The following MAN1C1 variants were observed in gnomAD, a reference collection of about 807,000 sequenced individuals.
The protein encoded by MAN1C1 is mannosyl-oligosaccharide 1,2-alpha-mannosidase IC.
MAN1C1 carries 49 observed loss-of-function variants against 71.5 expected under a neutral mutation model. The observed-to-expected ratio is 0.69, with a 90% CI of 0.54 to 0.87. MAN1C1 has a LOEUF of 0.87. Ranked by LOEUF, MAN1C1 falls within the 40% of genes least tolerant of loss-of-function variation. MAN1C1 has a pLI of 0.00. For synonymous variants in MAN1C1, 352 were observed against 343.7 expected (o/e 1.02, Z -0.27); for missense variants, 743 against 835.0 (o/e 0.89, Z 1.36).
intron 2 of MAN1C1, among the ~76,000 whole-genome samples, chr1:25,696,127 C>T (rs756275481): frequency 1.4e-4 from 21 of 152,204 alleles, no homozygotes; most frequent in Non-Finnish European, 2.6e-4. Context: ...GCGTGTTCCG[C>T]CCACTTTGCG....
intron 2 of MAN1C1, among the ~76,000 whole-genome samples, chr1:25,740,933 G>T (rs1268831531): frequency 6.6e-6 from 1 of 152,070 alleles, no homozygotes; most frequent in Non-Finnish European, 1.5e-5. Context: ...AAATCTCGCA[G>T]AGACGGCCAG....
chr1:25,728,309 C>T (rs915808750), intron 2 of MAN1C1, among the ~76,000 whole-genome samples: 3 of 152,162 alleles, frequency 2.0e-5, no homozygotes, highest in Non-Finnish European at 4.4e-5. Context: ...GGGACCAAAG[C>T]CAGTAACCCC....
At position 25,631,921 on chromosome 1, in the gene MAN1C1, G is replaced by A. The variant is rs115004034; in HGVS notation, c.540+13584G>A. Among the ~76,000 whole-genome samples the A allele has an allele frequency of 0.017, 2,634 of 152,254 alleles. 41 individuals are homozygous for A. Among genetic ancestry groups the A allele is most frequent in the Middle Eastern group, 0.065 (19 of 294 alleles). On this transcript the variant is annotated intron_variant, in intron 1 of 11. Transcript: ENST00000374332. The surrounding 1 kb of genome is among the most constrained non-coding windows in gnomAD (Gnocchi z 4.2). Reference sequence around the variant, plus strand: ...TGAGTAGCTGGGACTACAGGTGCATGCCACTACGCACGGCTAATTTTTGTA... The same window carrying A: ...TGAGTAGCTGGGACTACAGGTGCATACCACTACGCACGGCTAATTTTTGTA...
chr1:25,775,361 A>G lies in MAN1C1; in HGVS notation c.1258-2744A>G, dbSNP rs991676067. 6.6e-6 allele frequency among the ~76,000 whole-genome samples: 1 copy of G among 152,206 alleles called. No individual in the cohort carries two copies. The highest frequency in any genetic ancestry group is 1.9e-4 in the East Asian group (1 of 5,200). ...AGGTGCCCTGGCATGTCACATTGTC[A>G]GCGCTTTTCCATCTGCCACTCAGTG... On this transcript the variant is annotated intron_variant, in intron 8 of 11. Coordinates refer to ENST00000374332, the MANE Select transcript of MAN1C1 (RefSeq NM_020379.4). This position sits in a 1 kb window ranked among gnomAD's most constrained non-coding sequence, Gnocchi z 5.1.
intron 1 of MAN1C1, among the ~76,000 whole-genome samples, chr1:25,685,394 C>G (rs1355202638): frequency 6.6e-6 from 1 of 152,246 alleles, no homozygotes; most frequent in Non-Finnish European, 1.5e-5. Flanking sequence ...CCCGGCTCCT[C>G]CTCTGCTCCA....
rs375375324 is a variant in MAN1C1 at position 25,715,484 on chromosome 1, G to A, written c.637+28948G>A. 8.5e-5 allele frequency among the ~76,000 whole-genome samples: 13 copies of A among 152,330 alleles called. No homozygotes were observed. The East Asian group carries it at 1.9e-3, about 23-fold the overall frequency. ...TCAGCCTTTCACTCCTTCTCTCAAC[G>A]AATACCTAAGCACTCACAACAGACT... On this transcript the variant is annotated intron_variant, in intron 2 of 11. Transcript: ENST00000374332.
At chr1:25,637,076 A>C (rs867649209) in intron 1 of MAN1C1, among the ~76,000 whole-genome samples, 1 of 152,222 alleles carries the variant, frequency 6.6e-6, no homozygotes. Context: ...AATCACCTGA[A>C]CCAGGGAGAT....
At chr1:25,701,562 C>T (rs2046444155) in intron 2 of MAN1C1, among the ~76,000 whole-genome samples, 1 of 152,228 alleles carries the variant, frequency 6.6e-6, no homozygotes, top group African/African-American at 2.4e-5. Flanking sequence ...CTGGGAACTG[C>T]CCAACAGGCA....
At chr1:25,727,790 T>G (rs2046853198) in intron 2 of MAN1C1, among the ~76,000 whole-genome samples, 1 of 152,220 alleles carries the variant, frequency 6.6e-6, no homozygotes, top group Non-Finnish European at 1.5e-5. Flanking sequence ...CCTGGGCCCC[T>G]GGCCCTGGCC....
At chr1:25,624,873 A>G (rs1362582773) in intron 1 of MAN1C1, among the ~76,000 whole-genome samples, 1 of 152,070 alleles carries the variant, frequency 6.6e-6, no homozygotes, top group Non-Finnish European at 1.5e-5. Flanking sequence ...GATGGGTTGT[A>G]TCACTAAGAC....
chr1:25,758,566 G>A (rs2047319601), intron 5 of MAN1C1, 26 bp from the exon 6 acceptor site: 5 of 1,609,548 alleles, frequency 3.1e-6, no homozygotes, highest in Non-Finnish European at 4.3e-6. Context: ...AAGGGGGGAT[G>A]ACGGGGGCTG....
intron 1 of MAN1C1, among the ~76,000 whole-genome samples, chr1:25,668,426 A>G (rs1174409097): frequency 1.3e-5 from 2 of 152,174 alleles, no homozygotes; most frequent in Non-Finnish European, 2.9e-5. Context: ...CATGGGGTAC[A>G]TAGTAGATGC....
rs572796771 is a variant in MAN1C1 at position 25,783,013 on chromosome 1, T to C, written c.1766+313T>C. Among the ~76,000 whole-genome samples, 71 of 152,292 alleles carry C rather than the reference T, an allele frequency of 4.7e-4. 1 individual carries two copies. Among genetic ancestry groups the C allele is most frequent in the African/African-American group, 1.7e-3 (71 of 41,552 alleles). ...CCGCGTCCTCGTGTGTAAAATGGGATAGGGTTAACGATGATGATGTCAGTG... is the reference window on the plus strand; with the variant it reads ...CCGCGTCCTCGTGTGTAAAATGGGACAGGGTTAACGATGATGATGTCAGTG... On this transcript the variant is annotated intron_variant, in intron 11 of 11. Transcript: ENST00000374332.
intron 1 of MAN1C1, among the ~76,000 whole-genome samples, chr1:25,681,316 G>A (rs543289577): frequency 1.1e-4 from 17 of 152,238 alleles, no homozygotes; most frequent in Admixed American, 3.9e-4. Context: ...GGGACAACCC[G>A]GAGGAAACCA....
intron 7 of MAN1C1, among the ~76,000 whole-genome samples, chr1:25,770,790 C>G (rs781219298): frequency 1.3e-5 from 2 of 151,784 alleles, no homozygotes; most frequent in Non-Finnish European, 2.9e-5. Context: ...CCATTCCCCC[C>G]GCCCCGCCTT....
chr1:25,630,996 G>A (rs150454070), intron 1 of MAN1C1, among the ~76,000 whole-genome samples: 226 of 152,048 alleles, frequency 1.5e-3, no homozygotes, highest in African/African-American at 5.1e-3. Flanking sequence ...ACAGAGTCTC[G>A]CTCTGTCGCC....
intron 1 of MAN1C1, among the ~76,000 whole-genome samples, chr1:25,626,526 T>A (rs2045297266): frequency 6.7e-6 from 1 of 150,180 alleles, no homozygotes; most frequent in Non-Finnish European, 1.5e-5. Context: ...GCCTGGCTCA[T>A]TTTTTGTATT....
intron 1 of MAN1C1, among the ~76,000 whole-genome samples, chr1:25,640,756 TA>T (rs1401259896): frequency 2.0e-5 from 3 of 152,186 alleles, no homozygotes; most frequent in Non-Finnish European, 4.4e-5. Flanking sequence ...GACCCCACAC[TA>T]ATGTACACTC....
intron 2 of MAN1C1, among the ~76,000 whole-genome samples, chr1:25,689,249 A>G (rs2046274459): frequency 6.6e-6 from 1 of 152,110 alleles, no homozygotes; most frequent in Non-Finnish European, 1.5e-5. Context: ...GTGCTCTCAG[A>G]GAGAGGGACA....
Sources: allele counts gnomAD v4.1 joint callset (sites outside exome capture counted in the v4.1 genomes callset), GRCh38; gene constraint gnomAD v4.1.1; non-coding constraint Gnocchi (gnomAD v3.1); transcripts MANE v1.5; gene names NCBI Gene and HGNC (gene_info 2026-07-23, HGNC 2026-07-21).